NFIB: variants seen among roughly 807,000 people sequenced by gnomAD.
NFIB encodes the protein nuclear factor I B.
Under a neutral mutation model 61.5 loss-of-function variants are expected in NFIB, and 11 were observed. That is an observed-to-expected ratio of 0.18 (90% CI 0.11 to 0.30). The LOEUF is 0.30. Among genes scored for constraint, NFIB ranks in the 10% least tolerant of loss-of-function variants. The probability of loss-of-function intolerance (pLI) is 1.00; values close to 1 mark genes in which losing one functional copy is unlikely to be tolerated. For missense variants in NFIB, 471 were observed against 608.9 expected (o/e 0.77, Z 2.38); for synonymous variants, 260 against 216.5 (o/e 1.20, Z -1.76).
chr9:14,375,404 T>C (rs2061406579), intron 1 of NFIB, among the ~76,000 whole-genome samples: 1 of 152,172 alleles, frequency 6.6e-6, no homozygotes, highest in African/African-American at 2.4e-5. Flanking sequence ...ATGCCTGTAA[T>C]CCCAGCACTT....
At chr9:14,462,789 C>T in the NFIB span, among the ~76,000 whole-genome samples, 1 of 152,128 alleles carries the variant, frequency 6.6e-6, no homozygotes, top group African/African-American at 2.4e-5. Flanking sequence ...ATAGGTGTTC[C>T]CATTTATTAG....
At chr9:14,468,760 A>G in the NFIB span, among the ~76,000 whole-genome samples, 1 of 152,224 alleles carries the variant, frequency 6.6e-6, no homozygotes, top group African/African-American at 2.4e-5. Context: ...TTCTACATAC[A>G]TATTTTGTTA....
intron 2 of NFIB, among the ~76,000 whole-genome samples, chr9:14,249,311 T>G (rs892046208): frequency 2.6e-5 from 4 of 152,218 alleles, no homozygotes; most frequent in Non-Finnish European, 5.9e-5. Flanking sequence ...TAGTAAGTGG[T>G]GGAGATGAGA....
the NFIB span, among the ~76,000 whole-genome samples, chr9:14,477,604 T>A: frequency 6.6e-6 from 1 of 152,194 alleles, no homozygotes; most frequent in Non-Finnish European, 1.5e-5. Context: ...GAAGTGAGGT[T>A]GGTGGCTGTT....
exon 1 of NFIB, chr9:14,398,975 TGCCCAATATAGTA>T: frequency 4.1e-6 from 1 of 241,454 alleles, no homozygotes; most frequent in African/African-American, 2.2e-5. Flanking sequence ...AGACCTGTAC[TGCCCAATATAGTA>T]GCCCCTAGCT....
At chr9:14,488,719 G>A in the NFIB span, among the ~76,000 whole-genome samples, 60 of 152,150 alleles carry the variant, frequency 3.9e-4, no homozygotes, top group African/African-American at 1.4e-3. Context: ...GCTGGTCTAT[G>A]GGACAACATT....
At chr9:14,161,470 A>G (rs182167677) in intron 3 of NFIB, among the ~76,000 whole-genome samples, 114 of 151,922 alleles carry the variant, frequency 7.5e-4, no homozygotes, top group Non-Finnish European at 1.4e-3. Flanking sequence ...ATTTTTTTCA[A>G]TATTTCCTTC....
the NFIB span, among the ~76,000 whole-genome samples, chr9:14,457,797 C>A: frequency 6.6e-6 from 1 of 152,264 alleles, no homozygotes; most frequent in East Asian, 1.9e-4. Flanking sequence ...GACACATACA[C>A]CCTCCCAAGA....
chr9:14,221,628 C>A (rs2051688816), intron 2 of NFIB, among the ~76,000 whole-genome samples: 2 of 152,184 alleles, frequency 1.3e-5, no homozygotes, highest in African/African-American at 4.8e-5. Context: ...CTGACCTTTA[C>A]TTAAGTAATG....
chr9:14,389,669 A>T (rs182851374), intron 1 of NFIB, among the ~76,000 whole-genome samples: 3 of 152,306 alleles, frequency 2.0e-5, no homozygotes, highest in Non-Finnish European at 4.4e-5. Context: ...ACACACAGAC[A>T]ACTCTCATAA....
chr9:14,520,069 C>G, the NFIB span, among the ~76,000 whole-genome samples: 1 of 152,168 alleles, frequency 6.6e-6, no homozygotes, highest in East Asian at 1.9e-4. Flanking sequence ...GTTTAACTTT[C>G]CTTCATTCAC....
At chr9:14,280,263 T>G (rs1305317937) in intron 2 of NFIB, among the ~76,000 whole-genome samples, 2 of 152,110 alleles carry the variant, frequency 1.3e-5, no homozygotes, top group Non-Finnish European at 2.9e-5. Context: ...GGGCATAATT[T>G]TTCTGTTCTT....
chr9:14,312,370 A>G (rs1003124630), intron 1 of NFIB, among the ~76,000 whole-genome samples: 1 of 152,238 alleles, frequency 6.6e-6, no homozygotes, highest in Non-Finnish European at 1.5e-5. Flanking sequence ...ACACTTCTTT[A>G]TATGACTAGT....
At chr9:14,485,957 A>G in the NFIB span, among the ~76,000 whole-genome samples, 1 of 152,188 alleles carries the variant, frequency 6.6e-6, no homozygotes, top group Non-Finnish European at 1.5e-5. Flanking sequence ...AATGGGACAT[A>G]TAGACAAATA....
chr9:14,334,362 C>G (rs1023268455), intron 1 of NFIB, among the ~76,000 whole-genome samples: 1 of 152,180 alleles, frequency 6.6e-6, no homozygotes, highest in Non-Finnish European at 1.5e-5. Flanking sequence ...TGCTTCACAT[C>G]TTCATCAAGA....
At chr9:14,485,220 A>G in the NFIB span, among the ~76,000 whole-genome samples, 1 of 152,224 alleles carries the variant, frequency 6.6e-6, no homozygotes, top group Non-Finnish European at 1.5e-5. Flanking sequence ...ACCTCATGAC[A>G]TCTTGTCCAA....
At chr9:14,356,620 T>G (rs1257016742) in intron 1 of NFIB, among the ~76,000 whole-genome samples, 1 of 151,856 alleles carries the variant, frequency 6.6e-6, no homozygotes, top group East Asian at 1.9e-4. Flanking sequence ...GCCTGGGGTT[T>G]ACGAGCAGGA....
At chr9:14,379,484 C>T (rs1003917237) in intron 1 of NFIB, among the ~76,000 whole-genome samples, 32 of 152,236 alleles carry the variant, frequency 2.1e-4, no homozygotes, top group African/African-American at 7.7e-4. Context: ...GAAAATTCCC[C>T]CACTTACTCG....
At chr9:14,509,047 T>C in the NFIB span, among the ~76,000 whole-genome samples, 1 of 152,348 alleles carries the variant, frequency 6.6e-6, no homozygotes, top group African/African-American at 2.4e-5. Context: ...TTATAATAAA[T>C]GTTTGAAATG....
Sources: gnomAD v4.1 joint callset for allele counts (sites outside exome capture counted in the v4.1 genomes callset) on GRCh38, gnomAD v4.1.1 for gene constraint, MANE v1.5 for transcripts, NCBI Gene and HGNC (gene_info 2026-07-23, HGNC 2026-07-21) for gene names.